Variants in EPS8 observed in about 807,000 individuals in gnomAD.
EPS8 encodes the protein epidermal growth factor receptor kinase substrate 8.
In EPS8, 42 loss-of-function variants were observed where a neutral mutation model predicts 103.8. That is an observed-to-expected ratio of 0.40 (90% CI 0.32 to 0.52). The LOEUF (loss-of-function observed/expected upper bound fraction) is 0.52, where lower values mean the gene tolerates loss of function less well. Ranked by LOEUF, EPS8 falls within the 20% of genes least tolerant of loss-of-function variation. The pLI is 0.40. For missense variants in EPS8, 969 were observed against 1,005.1 expected, an observed-to-expected ratio of 0.96 and a Z score of 0.49; for synonymous variants, 344 against 344.6, an observed-to-expected ratio of 1.00 and a Z score of 0.02.
chr12:15,660,698 T>G lies in EPS8; in HGVS notation c.853A>C (p.Thr285Pro). Residue 285 changes from threonine (T) to proline (P), a missense_variant, in exon 10 of 21, where the codon ACA becomes CCA. By Grantham distance (38) the Thr-to-Pro change is conservative (BLOSUM62 -1). Transcript: ENST00000281172. ...HILDDIEFFI[T>P]KLQKAAEAFS... ...GCTTCTGCTGCTTTTTGGAGTTTTGTGATAAAAAATTCAATGTCATCCAAA... is the reference window on the plus strand; with the variant it reads ...GCTTCTGCTGCTTTTTGGAGTTTTGGGATAAAAAATTCAATGTCATCCAAA... The G allele has an allele frequency of 6.2e-7, 1 of 1,611,684 alleles. No homozygotes were observed. The highest frequency in any genetic ancestry group is 8.5e-7 in the Non-Finnish European group (1 of 1,178,256).
rs537384584 is a variant in EPS8 at position 15,629,121 on chromosome 12, T to C, written c.2044+2321A>G. On this transcript the variant is annotated intron_variant, in intron 18 of 20. Transcript: ENST00000281172. ...GTTAATTTTGGGAGAGATGTTTATA[T>C]TTTATACACCAATGCCACCCTTTTA... 3.9e-5 allele frequency among the ~76,000 whole-genome samples: 6 copies of C among 152,342 alleles called. No individual in the cohort carries two copies. The South Asian group carries it at 1.2e-3, about 32-fold the overall frequency.
At chr12:15,765,811 T>C (rs919337131) in intron 1 of EPS8, among the ~76,000 whole-genome samples, 2 of 151,382 alleles carry the variant, frequency 1.3e-5, no homozygotes, top group South Asian at 4.2e-4. Context: ...TGGTTTTTTT[T>C]TTTTGGTTTT....
In EPS8 at chr12:15,664,579, C is replaced by T. The variant is rs138688967; in HGVS notation, c.736+1177G>A. 3.9e-3 allele frequency among the ~76,000 whole-genome samples: 595 copies of T among 152,256 alleles called. 3 individuals are homozygous for T. The highest frequency in any genetic ancestry group is 0.012 in the African/African-American group (519 of 41,552). ...ACAGAGAGATAACTTCCCAAGACCA[C>T]ACAGGTAGACATATCAGGTCTTGCT... On this transcript the variant is annotated intron_variant, in intron 8 of 20. Transcript: ENST00000281172.
chr12:15,676,393 A>G (rs1945908599), intron 3 of EPS8, among the ~76,000 whole-genome samples: 1 of 152,090 alleles, frequency 6.6e-6, no homozygotes, highest in Non-Finnish European at 1.5e-5. Flanking sequence ...TTATAACAAC[A>G]TGGAAAAGGG....
In EPS8 at chr12:15,624,353, A is replaced by T; in HGVS notation, c.2099T>A (p.Ile700Asn). The T allele has an allele frequency of 4.4e-6, 7 of 1,606,918 alleles. No homozygotes were observed. Among genetic ancestry groups the T allele is most frequent in the Non-Finnish European group, 6.0e-6 (7 of 1,175,060 alleles). The change falls in exon 19 of 21, where the codon ATT (isoleucine) becomes AAT (asparagine). Residue 700 changes from isoleucine (I) to asparagine (N), a missense_variant. Coordinates refer to ENST00000281172, the MANE Select transcript of EPS8 (RefSeq NM_004447.6). ...VQDELIHRLT[I>N]GRSAAQKKFH... ...TTTCTTCTGAGCGGCACTCCGACCA[A>T]TGGTCAGTCTGTGGATGAGTTCATC...
intron 3 of EPS8, among the ~76,000 whole-genome samples, chr12:15,676,459 A>T (rs1209761919): frequency 6.6e-6 from 1 of 152,070 alleles, no homozygotes; most frequent in East Asian, 1.9e-4. Flanking sequence ...CAAAAAGGAG[A>T]TGAATCTGAA....
chr12:15,729,435 C>T (rs552761785), intron 1 of EPS8, among the ~76,000 whole-genome samples: 66 of 152,134 alleles, frequency 4.3e-4, no homozygotes, highest in African/African-American at 1.5e-3. Context: ...CTTAAATATT[C>T]TGTTTCAGTT....
At chr12:15,692,149 A>G (rs1946181432) in intron 1 of EPS8, among the ~76,000 whole-genome samples, 1 of 151,874 alleles carries the variant, frequency 6.6e-6, no homozygotes, top group Non-Finnish European at 1.5e-5. Context: ...CCCTCTTTCC[A>G]TGCTTTTACT....
At chr12:15,707,610 C>A (rs2135951008) in intron 1 of EPS8, among the ~76,000 whole-genome samples, 1 of 152,056 alleles carries the variant, frequency 6.6e-6, no homozygotes, top group African/African-American at 2.4e-5. Flanking sequence ...CTTCCGAAGT[C>A]TTCCTCTGGT....
rs1946384123 is a variant in EPS8 at position 15,706,151 on chromosome 12, T to C, written c.-21-23179A>G. Among the ~76,000 whole-genome samples, 2 of 152,158 alleles carry C rather than the reference T, an allele frequency of 1.3e-5. No homozygotes were observed. On this transcript the variant is annotated intron_variant, in intron 1 of 20. Coordinates refer to ENST00000281172, the MANE Select transcript of EPS8 (RefSeq NM_004447.6). The surrounding 1 kb of genome is among the most constrained non-coding windows in gnomAD (Gnocchi z 5.2). ...TCTGCAAACCAGTATGGTAAACATC[T>C]TGTAAAATGGTCCCTCCCATTGAGA...
At position 15,705,056 on chromosome 12, in the gene EPS8, T is replaced by C. The variant is rs1565509626; in HGVS notation, c.-21-22084A>G. 2.6e-5 allele frequency among the ~76,000 whole-genome samples: 4 copies of C among 152,332 alleles called. No individual in the cohort carries two copies. In the East Asian group the frequency reaches 7.7e-4, roughly 29 times the overall value. ...AAAGATCAAGAAACACAATCTCTAA[T>C]TTACAAAAGCAATAAACTGAACTGC... On this transcript the variant is annotated intron_variant, in intron 1 of 20. Coordinates refer to ENST00000281172, the MANE Select transcript of EPS8 (RefSeq NM_004447.6).
chr12:15,670,718 T>C (rs960648223), intron 4 of EPS8, 138 bp downstream of exon 4: 19 of 562,692 alleles, frequency 3.4e-5, no homozygotes, highest in African/African-American at 2.3e-4. Context: ...ATATCTGTTT[T>C]AAAAAATCTA....
chr12:15,624,232 G>A lies in EPS8; in HGVS notation c.2220C>T (p.Asn740=), dbSNP rs764482003. The A allele has an allele frequency of 1.2e-6, 2 of 1,612,850 alleles. No individual in the cohort carries two copies. The highest frequency in any genetic ancestry group is 1.3e-5 in the African/African-American group (1 of 75,004). The change falls in exon 19 of 21, where the codon AAC becomes AAT. Residue 740 remains asparagine, a synonymous_variant. Transcript: ENST00000281172. ...VKTWLQSKGF[N]PVTVNSLGVL... ...GTATTCACAGAGAGACTCACACAGG[G>A]TTGAATCCCTTTGACTGTAACCACG...
chr12:15,630,703 TAGGA>T lies in EPS8; in HGVS notation c.2044+735_2044+738del, dbSNP rs35077308. Among the ~76,000 whole-genome samples the T allele has an allele frequency of 9.6e-3, 1,460 of 152,108 alleles. 22 individuals carry two copies. The highest frequency in any genetic ancestry group is 0.033 in the African/African-American group (1,389 of 41,488). On this transcript the variant is annotated intron_variant, in intron 18 of 20. Coordinates refer to ENST00000281172, the MANE Select transcript of EPS8 (RefSeq NM_004447.6). ...GAATAGCAAACAAGAGGAAGAGAAG[TAGGA>T]AGGTTATGATGATGATGATGATGGC...
In EPS8 at chr12:15,627,834, G is replaced by A. The variant is rs569831496; in HGVS notation, c.2045-3427C>T. Among the ~76,000 whole-genome samples, 12 of 152,246 alleles carry A rather than the reference G, an allele frequency of 7.9e-5. No homozygotes were observed. In the South Asian group the frequency reaches 1.9e-3, roughly 24 times the overall value. On this transcript the variant is annotated intron_variant, in intron 18 of 20. Transcript: ENST00000281172. Reference sequence around the variant, plus strand: ...ATATATACATAGGTACATTATGTTCGTTGTTTGTTTTCACTTTCAAGAAAT... The same window carrying A: ...ATATATACATAGGTACATTATGTTCATTGTTTGTTTTCACTTTCAAGAAAT...
At chr12:15,622,374 C>T (rs555649627) in intron 20 of EPS8, among the ~76,000 whole-genome samples, 12 of 152,154 alleles carry the variant, frequency 7.9e-5, no homozygotes, top group South Asian at 2.1e-4. Flanking sequence ...CGGGGTGATA[C>T]GCATGAAGTG....
At position 15,781,433 on chromosome 12, in the gene EPS8, T is replaced by C. The variant is rs1374045840; in HGVS notation, c.-22+7728A>G. Among the ~76,000 whole-genome samples the C allele has an allele frequency of 6.6e-6, 1 of 152,210 alleles. No individual in the cohort carries two copies. The highest frequency in any genetic ancestry group is 1.5e-5 in the Non-Finnish European group (1 of 68,052). On this transcript the variant is annotated intron_variant, in intron 1 of 20. Transcript: ENST00000281172. The surrounding 1 kb of genome is among the most constrained non-coding windows in gnomAD (Gnocchi z 4.1). ...GGGTTCTCATCCCAATTCGGTCCCT[T>C]TCTCCCCATGTGTGACACAAGTCAC...
chr12:15,652,015 A>C (rs1411414504), intron 13 of EPS8, among the ~76,000 whole-genome samples: 1 of 152,214 alleles, frequency 6.6e-6, no homozygotes, highest in Non-Finnish European at 1.5e-5. Flanking sequence ...TTGTAATGTG[A>C]GACCTGATCA....
rs1946744575 is a variant in EPS8, at chr12:15,734,150, A to T, written c.-21-51178T>A. 6.6e-6 allele frequency among the ~76,000 whole-genome samples: 1 copy of T among 152,162 alleles called. No homozygotes were observed. Among genetic ancestry groups the T allele is most frequent in the South Asian group, 2.1e-4 (1 of 4,826 alleles). On this transcript the variant is annotated intron_variant, in intron 1 of 20. Transcript: ENST00000281172. This position sits in a 1 kb window ranked among gnomAD's most constrained non-coding sequence, Gnocchi z 4.1. ...GTCATCATGCCTGGCCAGAAAATTC[A>T]TTTTTAATAACCTATAGATTAACAA...
Sources: gnomAD v4.1 joint callset for allele counts (sites outside exome capture counted in the v4.1 genomes callset) on GRCh38, gnomAD v4.1.1 for gene constraint, Gnocchi (gnomAD v3.1) non-coding constraint, MANE v1.5 for transcripts, NCBI Gene and HGNC (gene_info 2026-07-23, HGNC 2026-07-21) for gene names.